MINDY4: variants seen among roughly 807,000 people sequenced by gnomAD.
MINDY4 encodes probable ubiquitin carboxyl-terminal hydrolase MINDY-4.
MINDY4 carries 68 observed loss-of-function variants against 87.0 expected under a neutral mutation model. The observed-to-expected ratio is 0.78, with a 90% confidence interval of 0.64 to 0.96. The LOEUF (loss-of-function observed/expected upper bound fraction) is 0.96. MINDY4 is among the 40% of genes least tolerant of loss of function. The probability of loss-of-function intolerance (pLI) is 0.00; values close to 1 mark genes in which losing one functional copy is unlikely to be tolerated. For missense variants in MINDY4, 919 were observed against 928.2 expected, an observed-to-expected ratio of 0.99 and a Z score of 0.13; for synonymous variants, 379 against 363.2, an observed-to-expected ratio of 1.04 and a Z score of -0.50.
Position 30,892,109 on chromosome 7 carries a change from T to C in MINDY4, c.*104T>C. The C allele has an allele frequency of 1.6e-6, 2 of 1,262,522 alleles. No individual in the cohort carries two copies. The highest frequency in any genetic ancestry group is 2.3e-6 in the Non-Finnish European group (2 of 864,836). The allele number at this position is 1,262,522 out of a possible 1,614,324, so 78.2% of individuals were successfully genotyped here. Reference sequence around the variant, plus strand: ...GGGGCAGGTCTCATGTACCCCAACCTGGGTCAGCATGACTGCAGAAGCATC... The same window carrying C: ...GGGGCAGGTCTCATGTACCCCAACCCGGGTCAGCATGACTGCAGAAGCATC... On this transcript the variant is annotated 3_prime_UTR_variant, in exon 18 of 18. Transcript: ENST00000265299.
At chr7:30,858,907 C>T (rs1471197954) in intron 12 of MINDY4, 4 of 497,512 alleles carry the variant, frequency 8.0e-6, no homozygotes, top group Middle Eastern at 3.2e-4. Flanking sequence ...TAGTACTGTC[C>T]CCCAGGACTG....
chr7:30,825,097 G>T (rs1016019967), intron 5 of MINDY4, among the ~76,000 whole-genome samples: 1 of 152,164 alleles, frequency 6.6e-6, no homozygotes, highest in Non-Finnish European at 1.5e-5. Flanking sequence ...ACATGTCTCC[G>T]GGTTATCAGC....
intron 5 of MINDY4, among the ~76,000 whole-genome samples, chr7:30,827,465 C>G (rs1290046655): frequency 6.6e-6 from 1 of 152,182 alleles, no homozygotes; most frequent in Non-Finnish European, 1.5e-5. Context: ...TCAGTGTCGA[C>G]TGCCCCTTCC....
At position 30,788,767 on chromosome 7, in the gene MINDY4, G is replaced by A. The variant is rs560306588; in HGVS notation, c.664-2398G>A. 5.3e-5 allele frequency among the ~76,000 whole-genome samples: 8 copies of A among 152,302 alleles called. No homozygotes were observed. The East Asian group carries it at 1.2e-3, about 22-fold the overall frequency. On this transcript the variant is annotated intron_variant, in intron 4 of 17. Transcript: ENST00000265299. ...AAGTTCACTCGCAGCCTAGATGGTCGTGCAGTGCCAGCTGCCATCCTCCAC... is the reference window on the plus strand; with the variant it reads ...AAGTTCACTCGCAGCCTAGATGGTCATGCAGTGCCAGCTGCCATCCTCCAC...
At chr7:30,775,582 T>C (rs1368778743) in intron 1 of MINDY4, among the ~76,000 whole-genome samples, 1 of 152,206 alleles carries the variant, frequency 6.6e-6, no homozygotes, top group East Asian at 1.9e-4. Flanking sequence ...GGTGGTTAGC[T>C]CAATCTATAG....
At position 30,785,961 on chromosome 7, in the gene MINDY4, T is replaced by TG; in HGVS notation, c.633dup (p.Met212AspfsTer39). On this transcript the variant is annotated frameshift_variant, in exon 4 of 18. Transcript: ENST00000265299. LOFTEE classifies it high-confidence loss of function. ...AAGTCTGGTCTGATTGTGCGAGGCA[T>TG]GATGTCTGGGCCCATCGCCAGCTCC... 1 of 1,614,198 alleles carries TG rather than the reference T, an allele frequency of 6.2e-7. No individual in the cohort carries two copies. The highest frequency in any genetic ancestry group is 8.5e-7 in the Non-Finnish European group (1 of 1,180,036).
intron 13 of MINDY4, among the ~76,000 whole-genome samples, chr7:30,860,556 C>T (rs955227146): frequency 6.6e-6 from 1 of 152,136 alleles, no homozygotes; most frequent in Non-Finnish European, 1.5e-5. Context: ...GTCTCCAGAT[C>T]TCCCTGAGGG....
At position 30,892,207 on chromosome 7, in the gene MINDY4, C is replaced by A; in HGVS notation, c.*202C>A. 1 of 587,846 alleles carries A rather than the reference C, an allele frequency of 1.7e-6. No homozygotes were observed. 36.4% of individuals were successfully genotyped at this position (587,846 alleles called of 1,614,324 possible). A position where few individuals can be genotyped will look rare whatever the true frequency, so the allele number is the denominator to read the frequency against. On this transcript the variant is annotated 3_prime_UTR_variant, in exon 18 of 18. Coordinates refer to ENST00000265299, the MANE Select transcript of MINDY4 (RefSeq NM_032222.3). ...GGGGACCCAGTGTGTTGCTGGGTCC[C>A]CTCCCAGCTGAGCTGTGACTGCTGA...
Position 30,792,888 on chromosome 7 carries a change from T to G in MINDY4, c.1073+1314T>G, listed in dbSNP as rs555552556. ...CATTCTATTCTCTCTGAGTTTAATT[T>G]GCTATTATTTTCTAGTTTACTGATT... On this transcript the variant is annotated intron_variant, in intron 5 of 17. Coordinates refer to ENST00000265299, the MANE Select transcript of MINDY4 (RefSeq NM_032222.3). Among the ~76,000 whole-genome samples the G allele has an allele frequency of 2.6e-5, 4 of 152,094 alleles. No individual in the cohort carries two copies. In the South Asian group the frequency reaches 8.3e-4, roughly 31 times the overall value.
chr7:30,890,933 A>G (rs552640279), intron 17 of MINDY4, among the ~76,000 whole-genome samples: 2 of 152,268 alleles, frequency 1.3e-5, no homozygotes, highest in Admixed American at 1.3e-4. Flanking sequence ...GGAATCCTCG[A>G]CTTTCTGGAT....
rs545830259 is a variant in MINDY4 at position 30,784,522 on chromosome 7, C to G, written c.420-1227C>G. ...GCCCTAAGATAGCGTGAGCTTTCCACGAAAAGAGTCTGGCCATGCCGCTAT... is the reference window on the plus strand; with the variant it reads ...GCCCTAAGATAGCGTGAGCTTTCCAGGAAAAGAGTCTGGCCATGCCGCTAT... On this transcript the variant is annotated intron_variant, in intron 3 of 17. Transcript: ENST00000265299. Among the ~76,000 whole-genome samples the G allele has an allele frequency of 2.1e-4, 32 of 152,334 alleles. 1 individual carries two copies. The South Asian group carries it at 6.2e-3, about 30-fold the overall frequency.
intron 1 of MINDY4, among the ~76,000 whole-genome samples, chr7:30,773,007 C>T (rs967335283): frequency 1.3e-4 from 20 of 152,114 alleles, no homozygotes; most frequent in Admixed American, 6.5e-5. Context: ...TTGACATGGC[C>T]GAGTTCCCCT....
intron 5 of MINDY4, among the ~76,000 whole-genome samples, chr7:30,823,051 T>G (rs1393624951): frequency 6.6e-6 from 1 of 152,182 alleles, no homozygotes; most frequent in Non-Finnish European, 1.5e-5. Flanking sequence ...AGGTTTACAT[T>G]AAGCATTTTT....
At chr7:30,837,593 T>C (rs1422862752) in intron 7 of MINDY4, among the ~76,000 whole-genome samples, 1 of 152,088 alleles carries the variant, frequency 6.6e-6, no homozygotes, top group Non-Finnish European at 1.5e-5. Context: ...CTACAGAGGG[T>C]CAGATACACT....
intron 13 of MINDY4, among the ~76,000 whole-genome samples, chr7:30,862,267 AG>A (rs1193530482): frequency 6.6e-6 from 1 of 152,246 alleles, no homozygotes; most frequent in Non-Finnish European, 1.5e-5. Context: ...AATGCCAGCA[AG>A]GATGGGAATA....
At chr7:30,888,728 T>G (rs752104626) in intron 17 of MINDY4, among the ~76,000 whole-genome samples, 10 of 152,246 alleles carry the variant, frequency 6.6e-5, no homozygotes, top group Non-Finnish European at 1.3e-4. Context: ...ATGTCTCTGC[T>G]TTGATTTTCT....
At chr7:30,888,921 T>C (rs1215501999) in intron 17 of MINDY4, among the ~76,000 whole-genome samples, 1 of 152,050 alleles carries the variant, frequency 6.6e-6, no homozygotes, top group Non-Finnish European at 1.5e-5. Flanking sequence ...GGTAGATGAG[T>C]GTGACTCACC....
intron 17 of MINDY4, among the ~76,000 whole-genome samples, chr7:30,885,759 G>C (rs886227667): frequency 4.8e-5 from 7 of 145,912 alleles, no homozygotes; most frequent in African/African-American, 1.8e-4. Context: ...GTGAGGCATT[G>C]ATTCTCTGGC....
chr7:30,779,158 T>C (rs1019029971), intron 2 of MINDY4, among the ~76,000 whole-genome samples: 13 of 152,208 alleles, frequency 8.5e-5, no homozygotes, highest in Non-Finnish European at 1.8e-4. Context: ...AGTTTTCCTG[T>C]TTTTGTGTTT....
Sources: allele counts gnomAD v4.1 joint callset (sites outside exome capture counted in the v4.1 genomes callset), GRCh38; gene constraint gnomAD v4.1.1; transcripts MANE v1.5; gene names NCBI Gene and HGNC (gene_info 2026-07-23, HGNC 2026-07-21).